The following SUGCT variants were observed in gnomAD, a reference collection of about 807,000 sequenced individuals.
SUGCT encodes the protein succinyl-CoA:glutarate-CoA transferase, also known as succinyl-CoA:glutarate CoA-transferase.
In SUGCT, 41 loss-of-function variants were observed where a neutral mutation model predicts 55.0. The observed-to-expected ratio is 0.74, with a 90% CI of 0.58 to 0.97. SUGCT has a LOEUF of 0.97. Among genes scored for constraint, SUGCT ranks in the 50% least tolerant of loss-of-function variants. SUGCT has a pLI of 0.00. For missense variants in SUGCT, 568 were observed against 547.8 expected (o/e 1.04, Z -0.37); for synonymous variants, 187 against 200.4 (o/e 0.93, Z 0.56).
the SUGCT span, among the ~76,000 whole-genome samples, chr7:40,917,137 G>A: frequency 2.6e-5 from 4 of 152,172 alleles, no homozygotes; most frequent in Admixed American, 2.6e-4. Flanking sequence ...TTTTCCTCTG[G>A]GTTGAGAAGC....
At chr7:40,780,926 A>G (rs924651768) in intron 13 of SUGCT, among the ~76,000 whole-genome samples, 2 of 152,178 alleles carry the variant, frequency 1.3e-5, no homozygotes, top group Admixed American at 1.3e-4. Context: ...AAAATGGAAG[A>G]CAGGAAATAT....
At chr7:40,795,316 C>A (rs549878429) in intron 13 of SUGCT, among the ~76,000 whole-genome samples, 9 of 152,150 alleles carry the variant, frequency 5.9e-5, no homozygotes, top group Non-Finnish European at 1.0e-4. Flanking sequence ...TTTATTACCA[C>A]AATGAAACAT....
chr7:40,872,398 G>A, the SUGCT span, among the ~76,000 whole-genome samples: 2 of 152,114 alleles, frequency 1.3e-5, no homozygotes, highest in Admixed American at 1.3e-4. Context: ...TGTTTCTAAC[G>A]TGGAGGAAGC....
At chr7:40,925,306 T>C in the SUGCT span, among the ~76,000 whole-genome samples, 1 of 152,190 alleles carries the variant, frequency 6.6e-6, no homozygotes, top group African/African-American at 2.4e-5. Flanking sequence ...TATTCCCCCA[T>C]GTAAAGACTG....
chr7:40,722,856 C>T (rs544573363), intron 12 of SUGCT, among the ~76,000 whole-genome samples: 5 of 152,026 alleles, frequency 3.3e-5, no homozygotes, highest in Admixed American at 6.6e-5. Context: ...CACATTGAAG[C>T]GATATCCTTC....
intron 12 of SUGCT, among the ~76,000 whole-genome samples, chr7:40,679,599 T>C (rs370039434): frequency 1.8e-4 from 27 of 152,270 alleles, no homozygotes; most frequent in African/African-American, 5.8e-4. Context: ...TTTGCTGCTG[T>C]TCTGCTGGCT....
intron 8 of SUGCT, among the ~76,000 whole-genome samples, chr7:40,297,060 G>T (rs1794201656): frequency 6.6e-6 from 1 of 152,156 alleles, no homozygotes; most frequent in African/African-American, 2.4e-5. Flanking sequence ...TTATGGCAGT[G>T]CCCATTACAT....
At chr7:40,536,910 C>T (rs1489002678) in intron 12 of SUGCT, among the ~76,000 whole-genome samples, 1 of 152,142 alleles carries the variant, frequency 6.6e-6, no homozygotes, top group Admixed American at 6.6e-5. Context: ...CACTGAATGG[C>T]ATCTAACAGT....
intron 12 of SUGCT, among the ~76,000 whole-genome samples, chr7:40,626,843 C>T (rs749321521): frequency 9.2e-5 from 14 of 152,026 alleles, no homozygotes; most frequent in African/African-American, 2.2e-4. Flanking sequence ...GCTTGGCACA[C>T]GGAAAATGCT....
chr7:40,617,312 TCTC>T (rs1799052285), intron 12 of SUGCT, among the ~76,000 whole-genome samples: 4 of 152,160 alleles, frequency 2.6e-5, no homozygotes, highest in African/African-American at 7.2e-5. Context: ...TTGAATAAGA[TCTC>T]CTCCAAAGTT....
At chr7:40,710,582 G>A (rs190570967) in intron 12 of SUGCT, among the ~76,000 whole-genome samples, 137 of 152,198 alleles carry the variant, frequency 9.0e-4, no homozygotes, top group African/African-American at 3.2e-3. Context: ...GTGTCTGTGT[G>A]TGTGCAAGCA....
Position 40,274,515 on chromosome 7 carries a change from T to C in SUGCT, c.579T>C (p.Asn193=). ...SGLMHITGPE[N]GDPVRPGVAM... is the part of the protein sequence containing the mutation. ...TCTCAACCCAACCTTCAAATCAGAA[T>C]GGAGATCCAGTTCGCCCAGGAGTAG... The change falls in exon 8 of 14, where the codon AAT becomes AAC. Residue 193 remains asparagine (N), a splice_region_variant and synonymous_variant. Coordinates refer to ENST00000335693, the MANE Select transcript of SUGCT (RefSeq NM_001193313.2). 1 of 1,611,916 alleles carries C rather than the reference T, an allele frequency of 6.2e-7. No homozygotes were observed. The highest frequency in any genetic ancestry group is 8.5e-7 in the Non-Finnish European group (1 of 1,179,284).
At chr7:40,518,128 G>GTA (rs949192929) in intron 12 of SUGCT, among the ~76,000 whole-genome samples, 1 of 151,986 alleles carries the variant, frequency 6.6e-6, no homozygotes, top group African/African-American at 2.4e-5. Flanking sequence ...AGTATAAATA[G>GTA]TATATATATG....
In SUGCT at chr7:40,675,107, C is replaced by T. The variant is rs183173453; in HGVS notation, c.1090-74327C>T. 8.4e-4 allele frequency among the ~76,000 whole-genome samples: 124 copies of T among 146,994 alleles called. 1 individual carries two copies. The East Asian group carries it at 0.024, about 29-fold the overall frequency. On this transcript the variant is annotated intron_variant, in intron 12 of 13. Transcript: ENST00000335693. Reference sequence around the variant, plus strand: ...ACAGAGTTTCACTCTGTTGCCTGGGCTGGAGTGTAGTGGTGTGATCTTGGC... The same window carrying T: ...ACAGAGTTTCACTCTGTTGCCTGGGTTGGAGTGTAGTGGTGTGATCTTGGC...
chr7:40,857,034 G>A (rs1794208424), intron 13 of SUGCT, among the ~76,000 whole-genome samples: 1 of 152,144 alleles, frequency 6.6e-6, no homozygotes, highest in African/African-American at 2.4e-5. Flanking sequence ...TTTTAGAAAT[G>A]TGTAGACTGA....
At chr7:40,553,964 C>T (rs1795434481) in intron 12 of SUGCT, among the ~76,000 whole-genome samples, 1 of 152,202 alleles carries the variant, frequency 6.6e-6, no homozygotes, top group Non-Finnish European at 1.5e-5. Context: ...CAATGACTAT[C>T]TCAAACAAGG....
chr7:40,253,990 C>T (rs1745633301), intron 7 of SUGCT, among the ~76,000 whole-genome samples: 1 of 152,250 alleles, frequency 6.6e-6, no homozygotes, highest in African/African-American at 2.4e-5. Context: ...TTTATAGACT[C>T]AATCCCAGTG....
intron 12 of SUGCT, among the ~76,000 whole-genome samples, chr7:40,586,981 T>C (rs1475564413): frequency 6.6e-6 from 1 of 152,232 alleles, no homozygotes; most frequent in Non-Finnish European, 1.5e-5. Context: ...ACTACAGATA[T>C]ATGTAACAAC....
chr7:40,143,937 G>T (rs1788116368), intron 1 of SUGCT, among the ~76,000 whole-genome samples: 1 of 152,228 alleles, frequency 6.6e-6, no homozygotes, highest in African/African-American at 2.4e-5. Context: ...CACTGGTTTA[G>T]CTGACCCCCA....
Sources: gnomAD v4.1 joint callset for allele counts (sites outside exome capture counted in the v4.1 genomes callset) on GRCh38, gnomAD v4.1.1 for gene constraint, MANE v1.5 for transcripts, NCBI Gene and HGNC (gene_info 2026-07-23, HGNC 2026-07-21) for gene names.